TFB1M: variants seen among roughly 807,000 people sequenced by gnomAD.
The protein encoded by TFB1M is transcription factor B1, mitochondrial.
Under a neutral mutation model 31.1 loss-of-function variants are expected in TFB1M, and 27 were observed. The observed-to-expected ratio is 0.87, with a 90% CI of 0.64 to 1.20. The LOEUF is 1.20. Among genes scored for constraint, TFB1M ranks in the 50% most tolerant of loss-of-function variants. The pLI is 0.00. For synonymous variants in TFB1M, 166 were observed against 151.8 expected (o/e 1.09, Z -0.69); for missense variants, 394 against 418.7 (o/e 0.94, Z 0.51).
intron 5 of TFB1M, among the ~76,000 whole-genome samples, chr6:155,267,707 CCT>C (rs1784724775): frequency 6.6e-6 from 1 of 152,048 alleles, no homozygotes; most frequent in Admixed American, 6.6e-5. Context: ...TGCTATGTGC[CCT>C]GAGTGCTTTT....
downstream of TFB1M, chr6:155,255,413 T>A (rs1783937743): frequency 6.6e-6 from 1 of 152,220 alleles, no homozygotes; most frequent in African/African-American, 2.4e-5. Flanking sequence ...TATTTTGTTA[T>A]TATCTTTCTT....
the TFB1M span, chr6:155,240,824 G>C: frequency 9.3e-7 from 1 of 1,077,742 alleles, no homozygotes; most frequent in Non-Finnish European, 1.3e-6. Flanking sequence ...CCCAGGGGGG[G>C]ACACCTGCTC....
chr6:155,254,618 A>G (rs746180275), downstream of TFB1M: 12 of 1,596,804 alleles, frequency 7.5e-6, no homozygotes, highest in Middle Eastern at 5.0e-4. Flanking sequence ...AAATATTATG[A>G]GCTTCTGAAA....
intron 1 of TFB1M, among the ~76,000 whole-genome samples, chr6:155,312,332 C>T (rs1024013764): frequency 6.6e-6 from 1 of 152,198 alleles, no homozygotes; most frequent in Non-Finnish European, 1.5e-5. Context: ...GATGGATTTA[C>T]ACACATTCTC....
At position 155,273,585 on chromosome 6, in the gene TFB1M, A is replaced by G. The variant is rs776697506; in HGVS notation, c.666+11573T>C. 2.8e-4 allele frequency among the ~76,000 whole-genome samples: 43 copies of G among 152,224 alleles called. 1 individual carries two copies. The highest frequency in any genetic ancestry group is 1.2e-3 in the South Asian group (6 of 4,818). The stretch of plus-strand genomic sequence containing the variant: ...CCTTGGTGGGGAGGGGAGTGGGTGA[A>G]GTAGACAGTTAATGGTGCTTTTTGC... On this transcript the variant is annotated intron_variant, in intron 5 of 6. Transcript: ENST00000367166.
At chr6:155,305,618 ATTATATAT>A (rs1777703022) in intron 2 of TFB1M, among the ~76,000 whole-genome samples, 1 of 81,022 alleles carries the variant, frequency 1.2e-5, no homozygotes, top group Non-Finnish European at 2.1e-5. Context: ...TATATATTAA[ATTATATAT>A]TTATATATAT....
chr6:155,252,839 G>A (rs987318836), downstream of TFB1M: 1 of 961,432 alleles, frequency 1.0e-6, no homozygotes, highest in African/African-American at 1.6e-5. Flanking sequence ...CCACATGGCT[G>A]CTCGGAGACT....
chr6:155,262,014 G>A (rs1245398809), intron 5 of TFB1M, among the ~76,000 whole-genome samples: 1 of 152,172 alleles, frequency 6.6e-6, no homozygotes. Flanking sequence ...CTCAAGTTTA[G>A]TAACAACTAC....
chr6:155,287,814 G>A (rs1417101529), intron 4 of TFB1M, among the ~76,000 whole-genome samples: 1 of 152,120 alleles, frequency 6.6e-6, no homozygotes, highest in Non-Finnish European at 1.5e-5. Flanking sequence ...TTTCTAAAAT[G>A]TATCTTGCCT....
chr6:155,308,475 C>A (rs1295449498), intron 2 of TFB1M, among the ~76,000 whole-genome samples: 1 of 152,100 alleles, frequency 6.6e-6, no homozygotes, highest in Non-Finnish European at 1.5e-5. Flanking sequence ...ACACTGAATC[C>A]TCATATGAGT....
intron 4 of TFB1M, among the ~76,000 whole-genome samples, chr6:155,288,728 GA>G (rs1157585985): frequency 2.6e-5 from 4 of 152,096 alleles, no homozygotes; most frequent in African/African-American, 4.8e-5. Context: ...TTTCAATTTA[GA>G]AAAAAGCAGC....
chr6:155,241,191 C>T, the TFB1M span, among the ~76,000 whole-genome samples: 1 of 152,154 alleles, frequency 6.6e-6, no homozygotes, highest in Non-Finnish European at 1.5e-5. Flanking sequence ...GTGGGAATAT[C>T]CTTGCACCAT....
intron 1 of TFB1M, among the ~76,000 whole-genome samples, chr6:155,311,749 A>C (rs1778025328): frequency 1.3e-5 from 2 of 152,248 alleles, no homozygotes. Context: ...CTAGTTTCAC[A>C]TTCAGAATCT....
rs201089879 is a variant in TFB1M at position 155,258,060 on chromosome 6, G to A, written c.817C>T (p.Arg273Cys). 43 of 1,614,192 alleles carry A rather than the reference G, an allele frequency of 2.7e-5. No homozygotes were observed. In the East Asian group the frequency reaches 7.4e-4, roughly 28 times the overall value. The change falls in exon 7 of 7, where the codon CGC becomes TGC. Residue 273 changes from arginine (R) to cysteine (C), a missense_variant. Physicochemically the swap from Arg to Cys is radical, Grantham distance 180. Coordinates refer to ENST00000367166, the MANE Select transcript of TFB1M (RefSeq NM_016020.4). Reference protein sequence around the residue: ...GLRMLFPEAQRLESTGRLLEL... With the variant: ...GLRMLFPEAQCLESTGRLLEL... ...AACAGCCTGCCCGTGCTTTCCAAGC[G>A]CTGCGCTTCAGGGAATAACATTCTG...
At chr6:155,252,858 G>A, downstream of TFB1M, 1 of 1,217,992 alleles carries the variant, frequency 8.2e-7, no homozygotes, top group South Asian at 1.3e-5. Flanking sequence ...CTCGCCCACA[G>A]GGAGAACATA....
In TFB1M at chr6:155,258,033, C is replaced by CT. The variant is rs746223392; in HGVS notation, c.843dup (p.Glu282ArgfsTer20). The CT allele has an allele frequency of 3.1e-6, 5 of 1,614,226 alleles. No individual in the cohort carries two copies. The South Asian group carries it at 3.3e-5, about 11-fold the overall frequency. On this transcript the variant is annotated frameshift_variant, in exon 7 of 7. Coordinates refer to ENST00000367166, the MANE Select transcript of TFB1M (RefSeq NM_016020.4). LOFTEE classifies it low-confidence loss of function (END_TRUNC). ...AGAGTAGGGTCTATGTCTGCCAACT[C>CT]TAACAGCCTGCCCGTGCTTTCCAAG...
At chr6:155,247,893 AT>A in the TFB1M span, 2 of 1,376,920 alleles carry the variant, frequency 1.5e-6, no homozygotes, top group Non-Finnish European at 2.0e-6. Flanking sequence ...AAAGAATGGC[AT>A]TAGGAGGACT....
At chr6:155,299,694 G>T (rs1777341226) in intron 2 of TFB1M, among the ~76,000 whole-genome samples, 1 of 152,164 alleles carries the variant, frequency 6.6e-6, no homozygotes, top group South Asian at 2.1e-4. Context: ...GGGAACATTT[G>T]CCCTGAGCCT....
chr6:155,285,150 A>C lies in TFB1M; in HGVS notation c.666+8T>G. 3 of 1,613,856 alleles carry C rather than the reference A, an allele frequency of 1.9e-6. No homozygotes were observed. Among genetic ancestry groups the C allele is most frequent in the Non-Finnish European group, 2.5e-6 (3 of 1,179,800 alleles). On this transcript the variant is annotated splice_region_variant and intron_variant, in intron 5 of 6. Coordinates refer to ENST00000367166, the MANE Select transcript of TFB1M (RefSeq NM_016020.4). The stretch of plus-strand genomic sequence containing the variant: ...CCGATATACTACAACAAATAAGCAG[A>C]AACTTACCTCTGGTTTGGGGACAAA...
Sources: allele counts gnomAD v4.1 joint callset (sites outside exome capture counted in the v4.1 genomes callset), GRCh38; gene constraint gnomAD v4.1.1; transcripts MANE v1.5; gene names NCBI Gene and HGNC (gene_info 2026-07-23, HGNC 2026-07-21).